AGAP1: variants seen among roughly 807,000 people sequenced by gnomAD.
AGAP1 encodes ArfGAP with GTPase domain, ankyrin repeat and PH domain 1.
In AGAP1, 29 loss-of-function variants were observed where a neutral mutation model predicts 105.3. The ratio of observed to expected loss-of-function variants is 0.28; its 90% CI spans 0.21 to 0.38. The LOEUF is 0.38. Among genes scored for constraint, AGAP1 ranks in the 10% least tolerant of loss-of-function variants. The pLI is 1.00. For missense variants in AGAP1, 998 were observed against 1,165.1 expected (o/e 0.86, Z 2.09); for synonymous variants, 509 against 485.9 (o/e 1.05, Z -0.63).
Position 235,601,441 on chromosome 2 carries a change from A to T in AGAP1, c.163+106592A>T, listed in dbSNP as rs58112031. Among the ~76,000 whole-genome samples, 25,403 of 152,214 alleles carry T rather than the reference A, an allele frequency of 0.17. 2,698 individuals carry two copies. Among genetic ancestry groups the T allele is most frequent in the South Asian group, 0.29 (1,396 of 4,832 alleles). The stretch of plus-strand genomic sequence containing the variant: ...AAGGAAAGAAGTTTAACGGACTCAC[A>T]GTTCTACATGGCTGGGGAGGCCTCA... On this transcript the variant is annotated intron_variant, in intron 1 of 17. Transcript: ENST00000304032. This position sits in a 1 kb window ranked among gnomAD's most constrained non-coding sequence, Gnocchi z 4.4.
chr2:235,843,940 C>T lies in AGAP1; in HGVS notation c.1050+36609C>T, dbSNP rs1961165058. On this transcript the variant is annotated intron_variant, in intron 9 of 17. Coordinates refer to ENST00000304032, the MANE Select transcript of AGAP1 (RefSeq NM_001037131.3). This position sits in a 1 kb window ranked among gnomAD's most constrained non-coding sequence, Gnocchi z 5.9. ...AGGAGCCTGCTTCCCAGCATGGCCTCACATTGTCATCAGTGTCACTCAGGA... is the reference window on the plus strand; with the variant it reads ...AGGAGCCTGCTTCCCAGCATGGCCTTACATTGTCATCAGTGTCACTCAGGA... 1.3e-5 allele frequency among the ~76,000 whole-genome samples: 2 copies of T among 152,220 alleles called. No homozygotes were observed. The highest frequency in any genetic ancestry group is 1.3e-4 in the Admixed American group (2 of 15,286).
chr2:235,737,926 C>T lies in AGAP1; in HGVS notation c.311-3037C>T, dbSNP rs1559415971. On this transcript the variant is annotated intron_variant, in intron 3 of 17. Transcript: ENST00000304032. This position sits in a 1 kb window ranked among gnomAD's most constrained non-coding sequence, Gnocchi z 4.5. ...AAGTTGAACCTTAGGGTTCATCAAG[C>T]AGGGAGGGCTTCCACATACCCTTGT... Among the ~76,000 whole-genome samples, 1 of 152,008 alleles carries T rather than the reference C, an allele frequency of 6.6e-6. No homozygotes were observed. The highest frequency in any genetic ancestry group is 1.5e-5 in the Non-Finnish European group (1 of 67,998).
At position 236,064,729 on chromosome 2, in the gene AGAP1, A is replaced by T. The variant is rs7570480; in HGVS notation, c.2114+15448A>T. Among the ~76,000 whole-genome samples, 1,128 of 152,062 alleles carry T rather than the reference A, an allele frequency of 7.4e-3. 11 individuals are homozygous for T. Among genetic ancestry groups the T allele is most frequent in the African/African-American group, 0.025 (1,039 of 41,550 alleles). ...CACCAGCTGATTGCTGGTATCCTTT[A>T]AACAGCACGTGAAAAGACCTGGAAG... On this transcript the variant is annotated intron_variant, in intron 16 of 17. Transcript: ENST00000304032.
chr2:235,641,312 T>TC (rs1491176064), intron 1 of AGAP1, among the ~76,000 whole-genome samples: 10 of 67,160 alleles, frequency 1.5e-4, no homozygotes, highest in Non-Finnish European at 2.2e-4. Flanking sequence ...TCTCTCTCTC[T>TC]TTCTCTTTCT....
At position 235,927,566 on chromosome 2, in the gene AGAP1, T is replaced by C. The variant is rs2052514648; in HGVS notation, c.1325-3199T>C. ...GAAGAACTCATAAACCTAAGATGAG[T>C]TCTTGATCAGCAACCTCCATTGGAA... On this transcript the variant is annotated intron_variant, in intron 11 of 17. Transcript: ENST00000304032. The surrounding 1 kb of genome is among the most constrained non-coding windows in gnomAD (Gnocchi z 4.4). Among the ~76,000 whole-genome samples, 1 of 152,068 alleles carries C rather than the reference T, an allele frequency of 6.6e-6. No homozygotes were observed. The highest frequency in any genetic ancestry group is 2.4e-5 in the African/African-American group (1 of 41,388).
rs9287595 is a variant in AGAP1, at chr2:236,078,037, TTGTGTGTGTGTGTG to T, written c.2114+28780_2114+28793del. ...AGGGTTCTCCAGAGAAACAACCAAT[TTGTGTGTGTGTGTG>T]TGTGTGTGTGTGTGTGTGTGTGTAA... On this transcript the variant is annotated intron_variant, in intron 16 of 17. Coordinates refer to ENST00000304032, the MANE Select transcript of AGAP1 (RefSeq NM_001037131.3). The surrounding 1 kb of genome is among the most constrained non-coding windows in gnomAD (Gnocchi z 5.3). 3.5e-3 allele frequency among the ~76,000 whole-genome samples: 491 copies of T among 140,500 alleles called. 9 individuals are homozygous for T. Among genetic ancestry groups the T allele is most frequent in the Admixed American group, 0.026 (370 of 13,978 alleles). The allele number at this position is 140,500 out of a possible 152,430, so 92.2% of individuals were successfully genotyped here.
intron 1 of AGAP1, among the ~76,000 whole-genome samples, chr2:235,516,070 G>GCTGCTGCTGCTGCTC (rs1553556310): frequency 7.1e-6 from 1 of 141,728 alleles, no homozygotes; most frequent in Non-Finnish European, 1.6e-5. Context: ...TGCTGCTGCT[G>GCTGCTGCTGCTGCTC]CTGCTGCTGC....
chr2:235,852,562 A>C (rs1036693192), intron 9 of AGAP1: 4 of 934,900 alleles, frequency 4.3e-6, no homozygotes, highest in Non-Finnish European at 4.4e-6. Flanking sequence ...GTCAAGTTTT[A>C]TCTCTTAATG....
In AGAP1 at chr2:235,865,832, T is replaced by C. The variant is rs1173543252; in HGVS notation, c.1051-17513T>C. 6.6e-6 allele frequency among the ~76,000 whole-genome samples: 1 copy of C among 152,230 alleles called. No homozygotes were observed. Among genetic ancestry groups the C allele is most frequent in the African/African-American group, 2.4e-5 (1 of 41,462 alleles). On this transcript the variant is annotated intron_variant, in intron 9 of 17. Coordinates refer to ENST00000304032, the MANE Select transcript of AGAP1 (RefSeq NM_001037131.3). This position sits in a 1 kb window ranked among gnomAD's most constrained non-coding sequence, Gnocchi z 6.2. ...CTAGTCATCTCCTTTTACCAAAATTTACCTCCCAGCATCGTGGATGTGAAT... is the reference window on the plus strand; with the variant it reads ...CTAGTCATCTCCTTTTACCAAAATTCACCTCCCAGCATCGTGGATGTGAAT...
At position 235,787,483 on chromosome 2, in the gene AGAP1, A is replaced by T. The variant is rs1455491995; in HGVS notation, c.674-10276A>T. ...CCACATGCTGCCACTTATCTAACAC[A>T]TTGGGAGAGAAAGGTGCAGACAAGG... is the stretch of plus-strand genomic sequence containing the variant. On this transcript the variant is annotated intron_variant, in intron 6 of 17. Transcript: ENST00000304032. This position sits in a 1 kb window ranked among gnomAD's most constrained non-coding sequence, Gnocchi z 4.4. Among the ~76,000 whole-genome samples the T allele has an allele frequency of 6.6e-6, 1 of 152,138 alleles. No individual in the cohort carries two copies. Among genetic ancestry groups the T allele is most frequent in the East Asian group, 1.9e-4 (1 of 5,188 alleles).
rs2125408085 is a variant in AGAP1, at chr2:235,981,308, T to G, written c.1645+12685T>G. On this transcript the variant is annotated intron_variant, in intron 13 of 17. Coordinates refer to ENST00000304032, the MANE Select transcript of AGAP1 (RefSeq NM_001037131.3). The surrounding 1 kb of genome is among the most constrained non-coding windows in gnomAD (Gnocchi z 5.5). The stretch of plus-strand genomic sequence containing the variant: ...TTTGTTCTTTGGCTTGATTATTCAT[T>G]TGGGTCTTTCTTGCTTTCTTCAGGT... 6.6e-6 allele frequency among the ~76,000 whole-genome samples: 1 copy of G among 152,290 alleles called. No individual in the cohort carries two copies. The highest frequency in any genetic ancestry group is 1.5e-5 in the Non-Finnish European group (1 of 68,028).
In AGAP1 at chr2:235,541,204, A is replaced by G. The variant is rs76539401; in HGVS notation, c.163+46355A>G. 6.9e-3 allele frequency among the ~76,000 whole-genome samples: 1,043 copies of G among 152,142 alleles called. 13 individuals carry two copies. Among genetic ancestry groups the G allele is most frequent in the African/African-American group, 0.024 (998 of 41,494 alleles). Reference sequence around the variant, plus strand: ...CCTCACACAAACAAGAATGAACTTGAATGTACAGATTAAGGGATAATAAAA... The same window carrying G: ...CCTCACACAAACAAGAATGAACTTGGATGTACAGATTAAGGGATAATAAAA... On this transcript the variant is annotated intron_variant, in intron 1 of 17. Coordinates refer to ENST00000304032, the MANE Select transcript of AGAP1 (RefSeq NM_001037131.3).
chr2:236,084,230 G>A (rs542642097), intron 16 of AGAP1, among the ~76,000 whole-genome samples: 3 of 150,970 alleles, frequency 2.0e-5, no homozygotes, highest in African/African-American at 4.9e-5. Context: ...GGGCGGGGGG[G>A]GGTCTCTGCG....
chr2:236,046,060 G>A lies in AGAP1; in HGVS notation c.1892-2999G>A, dbSNP rs993559755. 1.7e-5 allele frequency: 8 copies of A among 469,210 alleles called. No individual in the cohort carries two copies. Among genetic ancestry groups the A allele is most frequent in the Non-Finnish European group, 2.7e-5 (6 of 225,458 alleles). The allele number at this position is 469,210 out of a possible 1,614,324, so 29.1% of individuals were successfully genotyped here. A position where few individuals can be genotyped will look rare whatever the true frequency, so the allele number is the denominator to read the frequency against. ...GGAGGGGGTGCACCACGGTCTGAAC[G>A]AGGGGCCAGCATGAGTGGCTTCTGT... On this transcript the variant is annotated intron_variant, in intron 15 of 17. Transcript: ENST00000304032. This position sits in a 1 kb window ranked among gnomAD's most constrained non-coding sequence, Gnocchi z 5.2.
chr2:235,621,313 C>T lies in AGAP1; in HGVS notation c.164-87866C>T, dbSNP rs544808733. Among the ~76,000 whole-genome samples the T allele has an allele frequency of 4.6e-5, 7 of 152,322 alleles. 1 individual carries two copies. The highest frequency in any genetic ancestry group is 2.0e-4 in the Admixed American group (3 of 15,306). ...CTAGGATTACAGGTGTGAGCCACCA[C>T]GCCCAGCCGATCTATTTAATTTCAT... is the stretch of plus-strand genomic sequence containing the variant. On this transcript the variant is annotated intron_variant, in intron 1 of 17. Transcript: ENST00000304032. This position sits in a 1 kb window ranked among gnomAD's most constrained non-coding sequence, Gnocchi z 4.1.
At chr2:235,859,073 G>C (rs1385393098) in intron 9 of AGAP1, among the ~76,000 whole-genome samples, 2 of 152,154 alleles carry the variant, frequency 1.3e-5, no homozygotes, top group East Asian at 3.8e-4. Flanking sequence ...ACTGGTGCCG[G>C]GCACTAATGT....
intron 1 of AGAP1, among the ~76,000 whole-genome samples, chr2:235,695,415 G>A (rs1949950613): frequency 6.6e-6 from 1 of 152,232 alleles, no homozygotes; most frequent in African/African-American, 2.4e-5. Flanking sequence ...GCTGTTGTCA[G>A]ATCAGTTGGA....
intron 1 of AGAP1, among the ~76,000 whole-genome samples, chr2:235,680,917 T>C (rs544214666): frequency 1.3e-5 from 2 of 152,248 alleles, no homozygotes; most frequent in East Asian, 3.9e-4. Flanking sequence ...AAGATGATCA[T>C]GCTCACAGCT....
intron 15 of AGAP1, among the ~76,000 whole-genome samples, chr2:236,041,927 G>T (rs777066598): frequency 2.0e-5 from 3 of 152,186 alleles, no homozygotes; most frequent in Non-Finnish European, 4.4e-5. Context: ...GGGGCCGAAG[G>T]AATCACTGTG....
Sources: gnomAD v4.1 joint callset for allele counts (sites outside exome capture counted in the v4.1 genomes callset) on GRCh38, gnomAD v4.1.1 for gene constraint, Gnocchi (gnomAD v3.1) non-coding constraint, MANE v1.5 for transcripts, NCBI Gene and HGNC (gene_info 2026-07-23, HGNC 2026-07-21) for gene names.